Variants in CDH12 observed in about 807,000 individuals in gnomAD.
CDH12 encodes cadherin 12.
A neutral mutation model predicts 74.1 loss-of-function variants in CDH12; 41 were observed. The ratio of observed to expected loss-of-function variants is 0.55; its 90% confidence interval spans 0.43 to 0.72. CDH12 has a LOEUF of 0.72. Among genes scored for constraint, CDH12 ranks in the 30% least tolerant of loss-of-function variants. CDH12 has a pLI of 0.00. For missense variants in CDH12, 945 were observed against 977.2 expected, an observed-to-expected ratio of 0.97 and a Z score of 0.44; for synonymous variants, 399 against 355.0, an observed-to-expected ratio of 1.12 and a Z score of -1.39.
At chr5:22,111,568 A>G (rs1744819159) in intron 4 of CDH12, among the ~76,000 whole-genome samples, 1 of 152,168 alleles carries the variant, frequency 6.6e-6, no homozygotes, top group Non-Finnish European at 1.5e-5. Context: ...TATTCCCTGC[A>G]CAGTTGCACT....
chr5:22,394,876 G>T (rs1199042949), intron 3 of CDH12, among the ~76,000 whole-genome samples: 1 of 152,102 alleles, frequency 6.6e-6, no homozygotes. Context: ...ATATAGAGGA[G>T]ATTATAAATT....
intron 4 of CDH12, among the ~76,000 whole-genome samples, chr5:22,094,175 C>G (rs79723412): frequency 0.024 from 3,628 of 152,226 alleles, 152 homozygotes; most frequent in African/African-American, 0.083. Context: ...AGGCAGCACA[C>G]TCCTTTAAAC....
rs570656380 is a variant in CDH12, at chr5:22,123,975, A to AT, written c.-186-45114dup. Among the ~76,000 whole-genome samples the AT allele has an allele frequency of 2.6e-3, 385 of 149,626 alleles. 5 individuals carry two copies. Among genetic ancestry groups the AT allele is most frequent in the African/African-American group, 8.9e-3 (363 of 40,878 alleles). ...TTTTTTATTTTTTATTTTATTTTTT[A>AT]TTTTTTTTCTGGGATGGAGTCTCGC... is the stretch of plus-strand genomic sequence containing the variant. On this transcript the variant is annotated intron_variant, in intron 4 of 14. Coordinates refer to ENST00000382254, the MANE Select transcript of CDH12 (RefSeq NM_004061.5).
intron 1 of CDH12, among the ~76,000 whole-genome samples, chr5:22,674,951 G>A (rs1249928044): frequency 2.0e-5 from 3 of 152,206 alleles, no homozygotes; most frequent in South Asian, 2.1e-4. Flanking sequence ...GGGAAACAGA[G>A]CATAAAAGTT....
intron 1 of CDH12, among the ~76,000 whole-genome samples, chr5:22,728,289 C>T (rs2127000071): frequency 6.6e-6 from 1 of 151,734 alleles, no homozygotes; most frequent in Non-Finnish European, 1.5e-5. Context: ...GAATCACTGC[C>T]AAAATTTTTA....
At chr5:21,859,087 T>G (rs1283225855) in intron 6 of CDH12, among the ~76,000 whole-genome samples, 7 of 151,500 alleles carry the variant, frequency 4.6e-5, no homozygotes, top group Non-Finnish European at 1.0e-4. Flanking sequence ...ATTTCTCCTG[T>G]CTAACTGAAA....
chr5:22,578,910 TC>T (rs1223974448), intron 1 of CDH12, among the ~76,000 whole-genome samples: 6 of 152,174 alleles, frequency 3.9e-5, no homozygotes, highest in Non-Finnish European at 7.4e-5. Context: ...GTTTCGTTTT[TC>T]CCCTGGTGAG....
At chr5:22,340,879 C>A (rs558034259) in intron 3 of CDH12, among the ~76,000 whole-genome samples, 32 of 152,242 alleles carry the variant, frequency 2.1e-4, no homozygotes, top group African/African-American at 7.2e-4. Context: ...AATACCTACC[C>A]TTTTCAAAGA....
intron 1 of CDH12, among the ~76,000 whole-genome samples, chr5:22,697,465 G>C (rs1287258138): frequency 6.6e-6 from 1 of 151,544 alleles, no homozygotes; most frequent in Non-Finnish European, 1.5e-5. Flanking sequence ...CCAGCTACTC[G>C]GGAGGCTGAG....
chr5:22,049,192 A>G (rs1260027795), intron 5 of CDH12, among the ~76,000 whole-genome samples: 3 of 152,096 alleles, frequency 2.0e-5, no homozygotes, highest in Admixed American at 2.0e-4. Context: ...GTTGATATAT[A>G]CATATGCTGG....
chr5:22,096,294 C>T (rs529886805), intron 4 of CDH12, among the ~76,000 whole-genome samples: 69 of 152,224 alleles, frequency 4.5e-4, no homozygotes, highest in African/African-American at 1.6e-3. Flanking sequence ...TAATTCTTGT[C>T]GTAAAATAGG....
At chr5:22,326,205 G>A (rs1196492464) in intron 3 of CDH12, among the ~76,000 whole-genome samples, 1 of 150,910 alleles carries the variant, frequency 6.6e-6, no homozygotes, top group Non-Finnish European at 1.5e-5. Context: ...TATTTCAGCA[G>A]GACTGTAATT....
At chr5:22,671,149 A>G (rs1054122649) in intron 1 of CDH12, among the ~76,000 whole-genome samples, 2 of 152,152 alleles carry the variant, frequency 1.3e-5, no homozygotes, top group Non-Finnish European at 2.9e-5. Flanking sequence ...TTTAATGTAT[A>G]CAATTTCACT....
At chr5:22,598,056 C>T (rs894325190) in intron 1 of CDH12, among the ~76,000 whole-genome samples, 3 of 152,028 alleles carry the variant, frequency 2.0e-5, no homozygotes, top group African/African-American at 7.2e-5. Flanking sequence ...AATTAGAAGA[C>T]CTGAATTCTA....
chr5:22,756,186 A>T (rs1196493432), intron 1 of CDH12, among the ~76,000 whole-genome samples: 1 of 151,778 alleles, frequency 6.6e-6, no homozygotes, highest in African/African-American at 2.4e-5. Flanking sequence ...CAGTATACTC[A>T]CACATATTAG....
chr5:21,765,977 G>A (rs369537975), intron 11 of CDH12, among the ~76,000 whole-genome samples: 83 of 152,056 alleles, frequency 5.5e-4, no homozygotes, highest in African/African-American at 1.9e-3. Flanking sequence ...CTAAATGAAT[G>A]GGGAGTTTAG....
intron 1 of CDH12, among the ~76,000 whole-genome samples, chr5:22,798,382 A>G (rs552016571): frequency 1.3e-5 from 2 of 152,306 alleles, no homozygotes; most frequent in East Asian, 3.9e-4. Flanking sequence ...ATACAGACAC[A>G]TATCATATAT....
intron 1 of CDH12, among the ~76,000 whole-genome samples, chr5:22,660,812 G>T (rs1740309213): frequency 6.6e-6 from 1 of 152,040 alleles, no homozygotes; most frequent in African/African-American, 2.4e-5. Flanking sequence ...TTTTTTAATT[G>T]TGAGTTTTTA....
intron 6 of CDH12, among the ~76,000 whole-genome samples, chr5:21,905,920 T>C (rs1444296807): frequency 6.6e-6 from 1 of 152,148 alleles, no homozygotes; most frequent in Non-Finnish European, 1.5e-5. Flanking sequence ...TTCTGTTTGT[T>C]TCTAAATTCA....
Sources: allele counts gnomAD v4.1 joint callset (sites outside exome capture counted in the v4.1 genomes callset), GRCh38; gene constraint gnomAD v4.1.1; transcripts MANE v1.5; gene names NCBI Gene and HGNC (gene_info 2026-07-23, HGNC 2026-07-21).